Variants in SCN11A observed in about 807,000 individuals in gnomAD.
The protein encoded by SCN11A is sodium voltage-gated channel alpha subunit 11.
SCN11A carries 122 observed loss-of-function variants against 162.2 expected under a neutral mutation model. The ratio of observed to expected loss-of-function variants is 0.75; its 90% CI spans 0.65 to 0.87. SCN11A has a LOEUF of 0.87. Ranked by LOEUF, SCN11A falls within the 40% of genes least tolerant of loss-of-function variation. The probability of loss-of-function intolerance (pLI) is 0.00; values close to 1 mark genes in which losing one functional copy is unlikely to be tolerated. For missense variants in SCN11A, 2,015 were observed against 2,181.6 expected, an observed-to-expected ratio of 0.92 and a Z score of 1.52; for synonymous variants, 758 against 751.5, an observed-to-expected ratio of 1.01 and a Z score of -0.14.
At chr3:38,904,285 T>C (rs781457112) in intron 15 of SCN11A, among the ~76,000 whole-genome samples, 182 bp from the exon 16 acceptor site, 12 of 152,186 alleles carry the variant, frequency 7.9e-5, no homozygotes, top group Non-Finnish European at 1.3e-4. Flanking sequence ...AGAGACAATG[T>C]TCCACATACA....
chr3:38,883,429 T>A (rs768379756), intron 21 of SCN11A, 42 bp from the exon 22 acceptor site: 2 of 1,572,470 alleles, frequency 1.3e-6, no homozygotes, highest in South Asian at 2.4e-5. Context: ...GTGTCTGTAA[T>A]AAACTGCATT....
rs2126076517 is a variant in SCN11A at position 38,847,552 on chromosome 3, C to A, written c.4518G>T (p.Leu1506=). The change falls in exon 30 of 30, where the codon CTG becomes CTT. Residue 1506 remains leucine, a synonymous_variant. Coordinates refer to ENST00000302328, the MANE Select transcript of SCN11A (RefSeq NM_001349253.2). ...CCAGAATGGCATAGATAAACATAAT[C>A]AGAAAGAGTAGAAGACCAATGTTGA... ...SLFNIGLLLF[L]IMFIYAILGM... 6.2e-7 allele frequency: 1 copy of A among 1,614,114 alleles called. No homozygotes were observed. Among genetic ancestry groups the A allele is most frequent in the East Asian group, 2.2e-5 (1 of 44,874 alleles).
Position 38,850,727 on chromosome 3 carries a change from C to A in SCN11A, c.4081G>T (p.Asp1361Tyr). 6.2e-7 allele frequency: 1 copy of A among 1,606,748 alleles called. No homozygotes were observed. Among genetic ancestry groups the A allele is most frequent in the South Asian group, 1.1e-5 (1 of 89,528 alleles). ...TCAAAGATCTGGCTTGTGACTATGT[C>A]GAACACGAGACCTTGACATTTGTTC... The part of the protein sequence containing the change: ...PLNKCQGLVF[D>Y]IVTSQIFDII... The change falls in exon 29 of 30, where the codon GAC becomes TAC. Residue 1361 changes from aspartate to tyrosine, a missense_variant. Coordinates refer to ENST00000302328, the MANE Select transcript of SCN11A (RefSeq NM_001349253.2).
rs536227464 is a variant in SCN11A, at chr3:38,911,659, C to T, written c.960-1452G>A. On this transcript the variant is annotated intron_variant, in intron 11 of 29. Transcript: ENST00000302328. ...TCAAAAGTTGGGACTTTTGAATTGA[C>T]ATTTACTCTCAAATTTTCTGTTCTC... 2.6e-5 allele frequency among the ~76,000 whole-genome samples: 4 copies of T among 152,250 alleles called. No individual in the cohort carries two copies. In the South Asian group the frequency reaches 6.2e-4, roughly 24 times the overall value.
chr3:39,022,513 T>C (rs1295538243), intron 2 of SCN11A, among the ~76,000 whole-genome samples: 1 of 152,210 alleles, frequency 6.6e-6, no homozygotes, highest in East Asian at 1.9e-4. Context: ...AGGTAAAGTA[T>C]AGATTACAAT....
chr3:39,042,850 G>A (rs369133560), intron 1 of SCN11A, among the ~76,000 whole-genome samples: 9 of 150,994 alleles, frequency 6.0e-5, no homozygotes, highest in African/African-American at 2.2e-4. Flanking sequence ...CCAACTACTC[G>A]GGAGGCTGAG....
chr3:39,028,322 A>G (rs1402498761), intron 2 of SCN11A, among the ~76,000 whole-genome samples: 4 of 152,212 alleles, frequency 2.6e-5, no homozygotes, highest in Non-Finnish European at 5.9e-5. Flanking sequence ...GATTTTTTCC[A>G]AAGAAATAGT....
At chr3:38,959,281 T>C (rs752301209) in intron 3 of SCN11A, among the ~76,000 whole-genome samples, 2 of 152,162 alleles carry the variant, frequency 1.3e-5, no homozygotes, top group African/African-American at 4.8e-5. Context: ...CTTACAGAAA[T>C]TGAGAAAACT....
chr3:38,945,387 G>A, intron 7 of SCN11A, 24 bp downstream of exon 7: 2 of 1,503,706 alleles, frequency 1.3e-6, no homozygotes, highest in Non-Finnish European at 1.8e-6. Context: ...ACTTAGGACA[G>A]GTGAGTGAAG....
intron 19 of SCN11A, among the ~76,000 whole-genome samples, chr3:38,889,654 GC>G (rs1230591118): frequency 6.6e-6 from 1 of 150,892 alleles, no homozygotes; most frequent in Non-Finnish European, 1.5e-5. Flanking sequence ...AAAAAAATCA[GC>G]CGAGTGTGGT....
At chr3:38,975,267 G>A (rs1169318711) in intron 2 of SCN11A, among the ~76,000 whole-genome samples, 3 of 152,038 alleles carry the variant, frequency 2.0e-5, no homozygotes, top group African/African-American at 7.2e-5. Context: ...TGCCAAGTCT[G>A]AGACACATGA....
intron 3 of SCN11A, among the ~76,000 whole-genome samples, chr3:38,955,511 A>G (rs1184645065): frequency 6.6e-6 from 1 of 152,214 alleles, no homozygotes; most frequent in Admixed American, 6.5e-5. Flanking sequence ...TCCACAAAAT[A>G]GATAAAATTG....
Position 38,908,216 on chromosome 3 carries a change from T to C in SCN11A, c.1300-94A>G, listed in dbSNP as rs73068538. 0.16 allele frequency: 167,931 copies of C among 1,037,102 alleles called. 14,397 individuals are homozygous for C. Among genetic ancestry groups the C allele is most frequent in the East Asian group, 0.27 (11,201 of 41,744 alleles). The allele number at this position is 1,037,102 out of a possible 1,614,324, so 64.2% of individuals were successfully genotyped here. A position where few individuals can be genotyped will look rare whatever the true frequency, so the allele number is the denominator to read the frequency against. ...ACCTGAGAGTGGTGAAAATCTCTCT[T>C]CTGGTAGCTCTGTATCATTTAAATT... is the stretch of plus-strand genomic sequence containing the variant. On this transcript the variant is annotated intron_variant, in intron 13 of 29. Coordinates refer to ENST00000302328, the MANE Select transcript of SCN11A (RefSeq NM_001349253.2).
At chr3:38,867,250 G>T in intron 27 of SCN11A, 71 bp downstream of exon 27, 1 of 1,436,362 alleles carries the variant, frequency 7.0e-7, no homozygotes, top group Non-Finnish European at 9.7e-7. Context: ...TTCTAGGCCA[G>T]AATTATGTTT....
In SCN11A at chr3:38,909,174, G is replaced by T. The variant is rs1348973535; in HGVS notation, c.1122C>A (p.Leu374=). 6.2e-7 allele frequency: 1 copy of T among 1,614,086 alleles called. No individual in the cohort carries two copies. Among genetic ancestry groups the T allele is most frequent in the Admixed American group, 1.7e-5 (1 of 60,004 alleles). The change falls in exon 13 of 30, where the codon CTC becomes CTA. Residue 374 remains leucine, a synonymous_variant. Coordinates refer to ENST00000302328, the MANE Select transcript of SCN11A (RefSeq NM_001349253.2). ...LYQQTLRTTG[L]YSVFFFIVVI... ...CCACAATGAAGAAGAAGACTGAGTAGAGCCCAGTAGTACGCAGGGTCTGCA... is the reference window on the plus strand; with the variant it reads ...CCACAATGAAGAAGAAGACTGAGTATAGCCCAGTAGTACGCAGGGTCTGCA...
At chr3:39,016,071 G>T (rs1156556500) in intron 2 of SCN11A, among the ~76,000 whole-genome samples, 1 of 152,168 alleles carries the variant, frequency 6.6e-6, no homozygotes, top group Admixed American at 6.5e-5. Flanking sequence ...AACTGATAAG[G>T]GAATGAGAGA....
chr3:38,916,303 C>G (rs530980905), intron 11 of SCN11A, among the ~76,000 whole-genome samples: 1 of 152,152 alleles, frequency 6.6e-6, no homozygotes, highest in Non-Finnish European at 1.5e-5. Flanking sequence ...AGCCCATTGA[C>G]ATTCAAGGCT....
At chr3:38,936,499 G>A (rs1472830980) in intron 7 of SCN11A, among the ~76,000 whole-genome samples, 4 of 151,484 alleles carry the variant, frequency 2.6e-5, no homozygotes, top group African/African-American at 9.8e-5. Flanking sequence ...ATCTCCTTAA[G>A]CTGATAAGCA....
Position 38,897,073 on chromosome 3 carries a change from A to G in SCN11A, c.2175T>C (p.Arg725=). 6.2e-7 allele frequency: 1 copy of G among 1,614,138 alleles called. No individual in the cohort carries two copies. Among genetic ancestry groups the G allele is most frequent in the Non-Finnish European group, 8.5e-7 (1 of 1,180,016 alleles). Residue 725 remains arginine, a synonymous_variant, in exon 18 of 30, where the codon CGT becomes CGC. Coordinates refer to ENST00000302328, the MANE Select transcript of SCN11A (RefSeq NM_001349253.2). Reference sequence around the variant, plus strand: ...TTGGACTCTTTTGGGAATTGAAGCTACGGCCAAAAAGCTGCATGCCAACTA... The same window carrying G: ...TTGGACTCTTTTGGGAATTGAAGCTGCGGCCAAAAAGCTGCATGCCAACTA... The part of the protein sequence containing the change: ...FSVVGMQLFG[R]SFNSQKSPKL...
Sources: allele counts gnomAD v4.1 joint callset (sites outside exome capture counted in the v4.1 genomes callset), GRCh38; gene constraint gnomAD v4.1.1; transcripts MANE v1.5; gene names NCBI Gene and HGNC (gene_info 2026-07-23, HGNC 2026-07-21).